The following MINK1 variants were observed in gnomAD, a reference collection of about 807,000 sequenced individuals.
MINK1 encodes the protein misshapen like kinase 1, also known as misshapen-like kinase 1.
Under a neutral mutation model 178.4 loss-of-function variants are expected in MINK1, and 46 were observed. The ratio of observed to expected loss-of-function variants is 0.26; its 90% CI spans 0.20 to 0.33. The LOEUF (loss-of-function observed/expected upper bound fraction) is 0.33. MINK1 is among the 10% of genes least tolerant of loss of function. The pLI, the probability that MINK1 is intolerant of heterozygous loss-of-function variation, is 1.00. For missense variants in MINK1, 1,366 were observed against 1,814.9 expected, an observed-to-expected ratio of 0.75 and a Z score of 4.49; for synonymous variants, 797 against 709.7, an observed-to-expected ratio of 1.12 and a Z score of -1.96.
At position 4,833,892 on chromosome 17, in the gene MINK1, G is replaced by T. The variant is rs904775088; in HGVS notation, c.57+252G>T. ...TGTGGTGCCCCGCCCCCACACTTCC[G>T]TGCCACCCTACCTTTACTCTGGGGT... On this transcript the variant is annotated intron_variant, in intron 1 of 31. Transcript: ENST00000355280. This position sits in a 1 kb window ranked among gnomAD's most constrained non-coding sequence, Gnocchi z 4.8. Among the ~76,000 whole-genome samples, 2 of 152,146 alleles carry T rather than the reference G, an allele frequency of 1.3e-5. No homozygotes were observed. The highest frequency in any genetic ancestry group is 3.9e-4 in the East Asian group (2 of 5,190).
At chr17:4,868,805 G>A in intron 1 of MINK1, 1 of 319,522 alleles carries the variant, frequency 3.1e-6, no homozygotes, top group Non-Finnish European at 6.5e-6. Context: ...GAGCGCAGTG[G>A]CATGATCATG....
At chr17:4,891,219 C>CACACACACACACACCT (rs1276020536) in intron 15 of MINK1, 95 bp downstream of exon 15, 1 of 1,169,032 alleles carries the variant, frequency 8.6e-7, no homozygotes, top group Non-Finnish European at 1.2e-6. Context: ...CACACACACA[C>CACACACACACACACCT]ACACACCTGC....
In MINK1 at chr17:4,894,549, G is replaced by A; in HGVS notation, c.2833G>A (p.Ala945Thr). ...GDYQSRGLVK[A>T]PGKSSFTMFV... ...GTACCAGTCTCGTGGGCTGGTAAAG[G>A]CCCCTGGCAAGAGCTCGTTCACGAT... Residue 945 changes from alanine to threonine, a missense_variant, in exon 24 of 32, where the codon GCC becomes ACC. Physicochemically the swap from Ala to Thr is moderately conservative, Grantham distance 58. This residue lies in a region of MINK1 where 709 missense variants were observed against 692.3 expected (regional missense o/e 1.02). Coordinates refer to ENST00000355280, the MANE Select transcript of MINK1 (RefSeq NM_153827.5). The surrounding 1 kb of genome is among the most constrained non-coding windows in gnomAD (Gnocchi z 4.1). The A allele has an allele frequency of 6.2e-7, 1 of 1,606,658 alleles. No homozygotes were observed. The highest frequency in any genetic ancestry group is 8.5e-7 in the Non-Finnish European group (1 of 1,176,470).
intron 1 of MINK1, among the ~76,000 whole-genome samples, chr17:4,853,911 G>A (rs976597519): frequency 6.6e-6 from 1 of 152,130 alleles, no homozygotes. Flanking sequence ...TCCAGCTGGG[G>A]ATAGGAGATG....
intron 1 of MINK1, among the ~76,000 whole-genome samples, chr17:4,865,719 C>CAAAA (rs141814055): frequency 2.0e-5 from 2 of 101,596 alleles, no homozygotes; most frequent in African/African-American, 7.0e-5. Context: ...CCGTCTCTAC[C>CAAAA]AAAAAAAAAA....
chr17:4,868,149 G>A (rs1190603757), intron 1 of MINK1, among the ~76,000 whole-genome samples: 3 of 151,846 alleles, frequency 2.0e-5, no homozygotes, highest in Non-Finnish European at 4.4e-5. Context: ...GCTAATTTTT[G>A]TATTTTTAGT....
chr17:4,890,094 A>G, intron 13 of MINK1: 1 of 382,226 alleles, frequency 2.6e-6, no homozygotes, highest in East Asian at 5.9e-5. Flanking sequence ...CCTCTCTCTT[A>G]CTCTTCCCCT....
chr17:4,856,567 G>T (rs1168538451), intron 1 of MINK1, among the ~76,000 whole-genome samples: 1 of 152,136 alleles, frequency 6.6e-6, no homozygotes, highest in Admixed American at 6.5e-5. Flanking sequence ...CCTCCATGAC[G>T]TGACAGATAG....
At chr17:4,873,223 C>G (rs779721026) in intron 1 of MINK1, among the ~76,000 whole-genome samples, 5 of 152,262 alleles carry the variant, frequency 3.3e-5, no homozygotes, top group Non-Finnish European at 5.9e-5. Flanking sequence ...CCAACTCTTA[C>G]ACTCACGAAT....
intron 1 of MINK1, among the ~76,000 whole-genome samples, chr17:4,842,937 A>G (rs1290658464): frequency 6.6e-6 from 1 of 152,226 alleles, no homozygotes; most frequent in Non-Finnish European, 1.5e-5. Context: ...AGGGTGGACC[A>G]GTGGCTGGGA....
At chr17:4,856,581 G>A (rs1477377113) in intron 1 of MINK1, among the ~76,000 whole-genome samples, 1 of 152,144 alleles carries the variant, frequency 6.6e-6, no homozygotes, top group African/African-American at 2.4e-5. Flanking sequence ...CAGATAGGTG[G>A]GAGATGAGGG....
At position 4,886,308 on chromosome 17, in the gene MINK1, G is replaced by T. The variant is rs542423929; in HGVS notation, c.773+110G>T. The stretch of plus-strand genomic sequence containing the variant: ...GGATCTCACCAGAGAAGAGATTCTG[G>T]GGGGCAGAGGGCGGTGACTGGTGTT... On this transcript the variant is annotated intron_variant, in intron 9 of 31. Coordinates refer to ENST00000355280, the MANE Select transcript of MINK1 (RefSeq NM_153827.5). This position sits in a 1 kb window ranked among gnomAD's most constrained non-coding sequence, Gnocchi z 6.1. The T allele has an allele frequency of 6.6e-7, 1 of 1,515,386 alleles. No homozygotes were observed. The highest frequency in any genetic ancestry group is 1.1e-5 in the South Asian group (1 of 88,666). 93.9% of individuals were successfully genotyped at this position (1,515,386 alleles called of 1,614,324 possible). A position where few individuals can be genotyped will look rare whatever the true frequency, so the allele number is the denominator to read the frequency against.
chr17:4,892,478 C>T lies in MINK1; in HGVS notation c.2164C>T (p.Pro722Ser). Residue 722 changes from proline to serine, a missense_variant, in exon 18 of 32, where the codon CCT becomes TCT. By Grantham distance (74) the Pro-to-Ser change is moderately conservative. Around this residue, in one of 14 missense-constraint regions of MINK1, gnomAD observed 709 missense variants for 692.3 expected, o/e 1.02. Coordinates refer to ENST00000355280, the MANE Select transcript of MINK1 (RefSeq NM_153827.5). Reference protein sequence around the residue: ...ERGTPKPPGPPAQPPGPPNAS... With the variant: ...ERGTPKPPGPSAQPPGPPNAS... ...GGGCACCCCAAAGCCTCCAGGGCCCCCTGCTCAGCCCCCTGGCCCGCCCAA... is the reference window on the plus strand; with the variant it reads ...GGGCACCCCAAAGCCTCCAGGGCCCTCTGCTCAGCCCCCTGGCCCGCCCAA... 1.9e-6 allele frequency: 3 copies of T among 1,563,858 alleles called. No individual in the cohort carries two copies. Among genetic ancestry groups the T allele is most frequent in the Non-Finnish European group, 2.6e-6 (3 of 1,154,892 alleles).
chr17:4,879,598 C>G (rs1330161288), intron 2 of MINK1, among the ~76,000 whole-genome samples: 1 of 152,194 alleles, frequency 6.6e-6, no homozygotes, highest in Non-Finnish European at 1.5e-5. Context: ...CCAGTCCATC[C>G]CCATGAGGGG....
chr17:4,884,545 C>T (rs1364956642), intron 5 of MINK1, 72 bp downstream of exon 5: 21 of 1,150,910 alleles, frequency 1.8e-5, no homozygotes, highest in Non-Finnish European at 2.5e-5. Flanking sequence ...AGCAAAGATC[C>T]TCCCTGCGCT....
rs1425434677 is a variant in MINK1 at position 4,886,949 on chromosome 17, C to T, written c.950-161C>T. 6.6e-6 allele frequency among the ~76,000 whole-genome samples: 1 copy of T among 152,242 alleles called. No homozygotes were observed. The highest frequency in any genetic ancestry group is 1.5e-5 in the Non-Finnish European group (1 of 68,048). On this transcript the variant is annotated intron_variant, in intron 10 of 31. Coordinates refer to ENST00000355280, the MANE Select transcript of MINK1 (RefSeq NM_153827.5). The surrounding 1 kb of genome is among the most constrained non-coding windows in gnomAD (Gnocchi z 6.1). ...ACCCAGTCCCGGTCCTGTCCAGGCC[C>T]ACACCTGAGACCCGCTGTCCTCCCA...
intron 1 of MINK1, among the ~76,000 whole-genome samples, chr17:4,863,147 T>C (rs1914437251): frequency 6.6e-6 from 1 of 152,180 alleles, no homozygotes; most frequent in Non-Finnish European, 1.5e-5. Context: ...GCCCAGACAG[T>C]TCCTTGGAAC....
Position 4,897,990 on chromosome 17 carries a change from CCCA to C in MINK1, c.*706_*708del, listed in dbSNP as rs746315302. The C allele has an allele frequency of 5.8e-4, 87 of 149,684 alleles. 1 individual carries two copies. Among genetic ancestry groups the C allele is most frequent in the Non-Finnish European group, 1.0e-3 (70 of 66,802 alleles). The allele number at this position is 149,684 out of a possible 1,614,324, so 9.3% of individuals were successfully genotyped here. The stretch of plus-strand genomic sequence containing the variant: ...AGCAAGTAACCCTTCTCCCTCCCCC[CCCA>C]CCCCTCCTCAATGTAGTGGCCTTGG... On this transcript the variant is annotated 3_prime_UTR_variant, in exon 32 of 32. Coordinates refer to ENST00000355280, the MANE Select transcript of MINK1 (RefSeq NM_153827.5).
intron 1 of MINK1, chr17:4,875,431 T>C: frequency 2.2e-6 from 1 of 451,672 alleles, no homozygotes; most frequent in South Asian, 1.6e-5. Flanking sequence ...GCTGTGATCA[T>C]GCCACCGCAC....
Sources: gnomAD v4.1 joint callset for allele counts (sites outside exome capture counted in the v4.1 genomes callset) on GRCh38, gnomAD v4.1.1 for gene constraint, gnomAD v4.1.1 regional missense constraint, Gnocchi (gnomAD v3.1) non-coding constraint, MANE v1.5 for transcripts, NCBI Gene and HGNC (gene_info 2026-07-23, HGNC 2026-07-21) for gene names.